SIM1: variants seen among roughly 807,000 people sequenced by gnomAD.
The protein encoded by SIM1 is single-minded homolog 1.
A neutral mutation model predicts 78.2 loss-of-function variants in SIM1; 18 were observed. That is an observed-to-expected ratio of 0.23 (90% confidence interval 0.16 to 0.34). The LOEUF (loss-of-function observed/expected upper bound fraction) is 0.34, where lower values mean the gene tolerates loss of function less well. Ranked by LOEUF, SIM1 falls within the 10% of genes least tolerant of loss-of-function variation. The probability of loss-of-function intolerance (pLI) is 1.00; values close to 1 mark genes in which losing one functional copy is unlikely to be tolerated. For missense variants in SIM1, 939 were observed against 975.1 expected, an observed-to-expected ratio of 0.96 and a Z score of 0.49; for synonymous variants, 417 against 385.2, an observed-to-expected ratio of 1.08 and a Z score of -0.97.
At chr6:100,447,986 A>G (rs547298523) in intron 8 of SIM1, among the ~76,000 whole-genome samples, 160 bp downstream of exon 8, 1 of 152,336 alleles carries the variant, frequency 6.6e-6, no homozygotes, top group South Asian at 2.1e-4. Flanking sequence ...AGGTGGGCCC[A>G]GTGTCGGAGA....
At chr6:100,427,652 T>G (rs539439743) in intron 9 of SIM1, among the ~76,000 whole-genome samples, 3 of 152,326 alleles carry the variant, frequency 2.0e-5, no homozygotes, top group African/African-American at 7.2e-5. Flanking sequence ...GTGTAATACC[T>G]TCACACCAAC....
rs112017560 is a variant in SIM1 at position 100,449,137 on chromosome 6, G to A, written c.543+226C>T. On this transcript the variant is annotated intron_variant, in intron 6 of 11. Transcript: ENST00000369208. ...CGGGTCACAAGTTCATAGCCCCCGCGGCCACCCAGTATTGGGACCCAGTCA... is the reference window on the plus strand; with the variant it reads ...CGGGTCACAAGTTCATAGCCCCCGCAGCCACCCAGTATTGGGACCCAGTCA... 1.3e-3 allele frequency among the ~76,000 whole-genome samples: 204 copies of A among 152,266 alleles called. 1 individual carries two copies. Among genetic ancestry groups the A allele is most frequent in the African/African-American group, 4.6e-3 (191 of 41,560 alleles).
Position 100,412,613 on chromosome 6 carries a change from AAAGAAAG to A in SIM1, c.1167+8170_1167+8176del, listed in dbSNP as rs1278512440. ...AAAGAAAGAAAGAAAGAAAGAAAGG[AAAGAAAG>A]AAGGAAAGAAAGAAAGAAAAGAAAG... On this transcript the variant is annotated intron_variant, in intron 10 of 11. Transcript: ENST00000369208. 1.9e-3 allele frequency among the ~76,000 whole-genome samples: 195 copies of A among 105,046 alleles called. 9 individuals are homozygous for A. Among genetic ancestry groups the A allele is most frequent in the Middle Eastern group, 4.5e-3 (1 of 224 alleles). The allele number at this position is 105,046 out of a possible 152,430, so 68.9% of individuals were successfully genotyped here.
rs41285857 is a variant in SIM1, at chr6:100,447,290, C to T, written c.976G>A (p.Val326Ile). The change falls in exon 9 of 12, where the codon GTC (valine) becomes ATC (isoleucine). Residue 326 changes from valine to isoleucine, a missense_variant. This residue lies in a region of SIM1 where 66 missense variants were observed against 108.4 expected (regional missense o/e 0.61). Coordinates refer to ENST00000369208, the MANE Select transcript of SIM1 (RefSeq NM_005068.3). Reference sequence around the variant, plus strand: ...CACGTGAGGACATAGTTGACGCTGACGATACAGTGTGGCCTGGAGGAGCGA... The same window carrying T: ...CACGTGAGGACATAGTTGACGCTGATGATACAGTGTGGCCTGGAGGAGCGA... ...NSRSSRPHCI[V>I]SVNYVLTDTE... 2.4e-5 allele frequency: 38 copies of T among 1,614,206 alleles called. No homozygotes were observed. The Admixed American group carries it at 4.7e-4, about 20-fold the overall frequency.
rs1772719670 is a variant in SIM1 at position 100,458,006 on chromosome 6, T to TTCTCTCTCTCCCTCTCTC, written c.176-4163_176-4162insGAGAGAGGGAGAGAGAGA. Reference sequence around the variant, plus strand: ...GTCACACCGCTGTCTGTCTCTCTCTTTCTCTCTCTCTCTCTCTCTCTCTCT... The same window carrying TTCTCTCTCTCCCTCTCTC: ...GTCACACCGCTGTCTGTCTCTCTCTTTCTCTCTCTCCCTCTCTCTCTCTCTCTCTCTCTCTCTCTCTCT... On this transcript the variant is annotated intron_variant, in intron 2 of 11. Coordinates refer to ENST00000369208, the MANE Select transcript of SIM1 (RefSeq NM_005068.3). 7.8e-5 allele frequency among the ~76,000 whole-genome samples: 7 copies of TTCTCTCTCTCCCTCTCTC among 90,308 alleles called. 2 individuals are homozygous for TTCTCTCTCTCCCTCTCTC. The highest frequency in any genetic ancestry group is 2.8e-4 in the East Asian group (1 of 3,562). 59.2% of individuals were successfully genotyped at this position (90,308 alleles called of 152,430 possible).
At chr6:100,454,631 A>T (rs1772600086) in intron 2 of SIM1, among the ~76,000 whole-genome samples, 1 of 151,880 alleles carries the variant, frequency 6.6e-6, no homozygotes, top group African/African-American at 2.4e-5. Flanking sequence ...CAACTTTTCT[A>T]CTTTCCAGGT....
In SIM1 at chr6:100,449,589, AC is replaced by A. The variant is rs1772457556; in HGVS notation, c.457+1del. The A allele has an allele frequency of 6.2e-7, 1 of 1,612,554 alleles. No individual in the cohort carries two copies. The highest frequency in any genetic ancestry group is 8.5e-7 in the Non-Finnish European group (1 of 1,178,774). ...AGCGTCGCAGGCATGTGTCTACCTT[AC>A]CCTGCACGAAGTGAGAGTGGTAGGG... On this transcript the variant is annotated splice_donor_variant, in intron 5 of 11. Coordinates refer to ENST00000369208, the MANE Select transcript of SIM1 (RefSeq NM_005068.3). LOFTEE classifies it high-confidence loss of function.
chr6:100,394,330 C>G (rs1272781676), intron 10 of SIM1, among the ~76,000 whole-genome samples: 1 of 152,190 alleles, frequency 6.6e-6, no homozygotes, highest in Non-Finnish European at 1.5e-5. Context: ...GATTCAGACC[C>G]AGGTTCTTCG....
chr6:100,412,695 G>GAA (rs1232553287), intron 10 of SIM1, among the ~76,000 whole-genome samples: 29 of 79,428 alleles, frequency 3.7e-4, no homozygotes, highest in African/African-American at 1.3e-3. Context: ...AAGAAAGAAA[G>GAA]AAAGAAAGAA....
At chr6:100,452,000 C>T (rs527536113) in intron 3 of SIM1, among the ~76,000 whole-genome samples, 2 of 152,240 alleles carry the variant, frequency 1.3e-5, no homozygotes, top group South Asian at 4.2e-4. Flanking sequence ...GTGAGATTAC[C>T]TGGGTGGCCT....
At chr6:100,424,985 C>T (rs573316683) in intron 9 of SIM1, among the ~76,000 whole-genome samples, 7 of 152,110 alleles carry the variant, frequency 4.6e-5, no homozygotes, top group African/African-American at 7.2e-5. Flanking sequence ...GTTTCCCCAC[C>T]GAAATATCAA....
In SIM1 at chr6:100,420,990, G is replaced by A. The variant is rs755651103; in HGVS notation, c.999-32C>T. 11 of 1,598,968 alleles carry A rather than the reference G, an allele frequency of 6.9e-6. No homozygotes were observed. The African/African-American group carries it at 8.0e-5, about 12-fold the overall frequency. On this transcript the variant is annotated intron_variant, in intron 9 of 11. Coordinates refer to ENST00000369208, the MANE Select transcript of SIM1 (RefSeq NM_005068.3). ...GGTGGGAGGACAAAGCCCTTAATCA[G>A]CCACCATAGGAAATGGATTCATGCA...
At chr6:100,407,707 G>T (rs1408867976) in intron 10 of SIM1, among the ~76,000 whole-genome samples, 1 of 152,050 alleles carries the variant, frequency 6.6e-6, no homozygotes, top group African/African-American at 2.4e-5. Context: ...GAGATGTTGA[G>T]CACCTTTTCA....
intron 9 of SIM1, among the ~76,000 whole-genome samples, chr6:100,426,735 G>A (rs1239288100): frequency 6.6e-6 from 1 of 152,142 alleles, no homozygotes; most frequent in Non-Finnish European, 1.5e-5. Context: ...TTATTTGCAA[G>A]AACTTTTCTC....
chr6:100,419,182 A>C (rs565098128), intron 10 of SIM1, among the ~76,000 whole-genome samples: 155 of 152,228 alleles, frequency 1.0e-3, no homozygotes, highest in African/African-American at 3.2e-3. Flanking sequence ...GAAGAAGAAG[A>C]AGCAGCTTCT....
chr6:100,412,707 GAA>G (rs1771267398), intron 10 of SIM1, among the ~76,000 whole-genome samples: 3 of 117,408 alleles, frequency 2.6e-5, no homozygotes, highest in African/African-American at 3.5e-5. Context: ...AAGAAAGAAA[GAA>G]AGAAAGAAAG....
chr6:100,464,148 G>T (rs1330761201), intron 1 of SIM1, among the ~76,000 whole-genome samples: 1 of 152,158 alleles, frequency 6.6e-6, no homozygotes, highest in Admixed American at 6.5e-5. Context: ...GCATCCTCCA[G>T]ACCCCTGGGA....
intron 10 of SIM1, among the ~76,000 whole-genome samples, chr6:100,412,538 GAAAGAAAGAAAGA>G (rs1771217906): frequency 4.4e-5 from 3 of 67,696 alleles, no homozygotes; most frequent in African/African-American, 1.7e-4. Flanking sequence ...CTCTGTCTAA[GAAAGAAAGAAAGA>G]AAGAAAAGAA....
chr6:100,447,200 G>T, intron 9 of SIM1, 68 bp downstream of exon 9: 1 of 1,548,198 alleles, frequency 6.5e-7, no homozygotes, highest in Non-Finnish European at 8.8e-7. Context: ...CGGCCGTGCC[G>T]CCACCCGCAC....
Sources: gnomAD v4.1 joint callset for allele counts (sites outside exome capture counted in the v4.1 genomes callset) on GRCh38, gnomAD v4.1.1 for gene constraint, gnomAD v4.1.1 regional missense constraint, MANE v1.5 for transcripts, NCBI Gene and HGNC (gene_info 2026-07-23, HGNC 2026-07-21) for gene names.